Variants in NR2C2 observed in about 807,000 individuals in gnomAD.
NR2C2 encodes the protein nuclear receptor subfamily 2 group C member 2, also known as Nuclear hormone receptor TR4.
Under a neutral mutation model 62.9 loss-of-function variants are expected in NR2C2, and 6 were observed. The ratio of observed to expected loss-of-function variants is 0.10; its 90% confidence interval spans 0.05 to 0.19. The LOEUF (loss-of-function observed/expected upper bound fraction) is 0.19, where lower values mean the gene tolerates loss of function less well. Among genes scored for constraint, NR2C2 ranks in the 10% least tolerant of loss-of-function variants. The pLI is 1.00. For synonymous variants in NR2C2, 272 were observed against 273.8 expected, an observed-to-expected ratio of 0.99 and a Z score of 0.07; for missense variants, 479 against 762.7, an observed-to-expected ratio of 0.63 and a Z score of 4.38.
At chr3:14,976,953 G>C (rs1251931676) in intron 1 of NR2C2, among the ~76,000 whole-genome samples, 1 of 152,116 alleles carries the variant, frequency 6.6e-6, no homozygotes, top group South Asian at 2.1e-4. Context: ...ATGTCCTGTA[G>C]TATATATATT....
At chr3:14,978,059 TA>T (rs921423805) in intron 1 of NR2C2, among the ~76,000 whole-genome samples, 9 of 150,174 alleles carry the variant, frequency 6.0e-5, no homozygotes, top group East Asian at 5.8e-4. Context: ...ATAAAAATAT[TA>T]AAAAAAAAGA....
At chr3:14,982,497 AATTT>A (rs1030705967) in intron 1 of NR2C2, among the ~76,000 whole-genome samples, 8 of 152,124 alleles carry the variant, frequency 5.3e-5, no homozygotes, top group Non-Finnish European at 1.0e-4. Flanking sequence ...AAAATCTTTC[AATTT>A]ATTTAAGTTT....
At chr3:15,033,639 C>CTT (rs58524753) in intron 10 of NR2C2, among the ~76,000 whole-genome samples, 1,018 of 84,672 alleles carry the variant, frequency 0.012, 15 homozygotes, top group Non-Finnish European at 0.017. Flanking sequence ...TAACCTCAGG[C>CTT]TTTTTTTTTT....
At chr3:14,996,950 T>C (rs2040850938) in intron 1 of NR2C2, among the ~76,000 whole-genome samples, 2 of 152,208 alleles carry the variant, frequency 1.3e-5, no homozygotes. Flanking sequence ...TCCAATAATG[T>C]TGATGGCTTT....
chr3:15,038,904 C>A, intron 12 of NR2C2: 1 of 533,110 alleles, frequency 1.9e-6, no homozygotes, highest in Non-Finnish European at 3.4e-6. Context: ...AGACTGGGAT[C>A]CACTCAGGGT....
chr3:15,002,863 G>C (rs141796242), intron 1 of NR2C2, among the ~76,000 whole-genome samples: 1,641 of 150,856 alleles, frequency 0.011, 33 homozygotes, highest in African/African-American at 0.037. Context: ...TTACCATGTT[G>C]GTCAGGCTTG....
chr3:15,012,370 C>T (rs868014640), intron 2 of NR2C2, among the ~76,000 whole-genome samples: 4 of 152,036 alleles, frequency 2.6e-5, no homozygotes, highest in South Asian at 2.1e-4. Context: ...GGACTACAGG[C>T]GCCCATCACC....
rs1441541622 is a variant in NR2C2, at chr3:15,044,983, A to G, written c.*1975A>G. On this transcript the variant is annotated 3_prime_UTR_variant, in exon 14 of 14. Transcript: ENST00000425241. ...ATTTTGGAGAGTAGTGGGAGTGGCC[A>G]TTATAAAATGATGGAAAGGATTTAA... 1 of 152,368 alleles carries G rather than the reference A, an allele frequency of 6.6e-6. No individual in the cohort carries two copies. Among genetic ancestry groups the G allele is most frequent in the East Asian group, 1.9e-4 (1 of 5,194 alleles). The allele number at this position is 152,368 out of a possible 1,614,324, so 9.4% of individuals were successfully genotyped here.
At chr3:15,012,248 C>T (rs114570243) in intron 2 of NR2C2, among the ~76,000 whole-genome samples, 4,575 of 149,740 alleles carry the variant, frequency 0.031, 245 homozygotes, top group African/African-American at 0.1. Context: ...TTTTTGGAGA[C>T]GGAGTTTCCC....
intron 11 of NR2C2, among the ~76,000 whole-genome samples, chr3:15,036,519 GTC>G (rs1337491580): frequency 6.6e-6 from 1 of 152,108 alleles, no homozygotes; most frequent in African/African-American, 2.4e-5. Context: ...TTTTGATACA[GTC>G]TCTCTGTGTT....
At chr3:15,037,209 T>TTGTGTGTGTGTG (rs373045181) in intron 11 of NR2C2, among the ~76,000 whole-genome samples, 2 of 130,240 alleles carry the variant, frequency 1.5e-5, no homozygotes, top group African/African-American at 5.9e-5. Flanking sequence ...TGTTTTTTGT[T>TTGTGTGTGTGTG]TGTGTGTGTG....
intron 13 of NR2C2, 33 bp from the exon 14 acceptor site, chr3:15,042,801 A>G: frequency 4.4e-6 from 7 of 1,601,132 alleles, no homozygotes; most frequent in Middle Eastern, 1.7e-4. Context: ...GGCATCAAAC[A>G]GTCTCCTTTT....
chr3:15,034,490 CATTCATAGACTT>C, intron 10 of NR2C2, 168 bp from the exon 11 acceptor site: 1 of 516,776 alleles, frequency 1.9e-6, no homozygotes, highest in Non-Finnish European at 3.3e-6. Context: ...TTAGTTAAAA[CATTCATAGACTT>C]ATTCATAGAC....
rs377653319 is a variant in NR2C2 at position 15,030,270 on chromosome 3, C to T, written c.933-5C>T. On this transcript the variant is annotated splice_region_variant and splice_polypyrimidine_tract_variant and intron_variant, in intron 8 of 13. Transcript: ENST00000425241. ...AACAATTACATGCTTCATTTTTGCT[C>T]ACAGGGCATTTGATACCTTAGCTAA... The T allele has an allele frequency of 6.2e-7, 1 of 1,605,520 alleles. No individual in the cohort carries two copies. The highest frequency in any genetic ancestry group is 8.5e-7 in the Non-Finnish European group (1 of 1,177,328).
chr3:14,950,023 T>C (rs1170410122), intron 1 of NR2C2, among the ~76,000 whole-genome samples: 2 of 152,220 alleles, frequency 1.3e-5, no homozygotes, highest in Non-Finnish European at 2.9e-5. Context: ...CTTCCTGAAC[T>C]GAAGATTAGA....
At chr3:14,969,454 G>T (rs1358427079) in intron 1 of NR2C2, among the ~76,000 whole-genome samples, 1 of 152,056 alleles carries the variant, frequency 6.6e-6, no homozygotes, top group African/African-American at 2.4e-5. Flanking sequence ...TGTTGGCCAG[G>T]CTGGTCTCGA....
At chr3:15,000,374 T>C (rs896073661) in intron 1 of NR2C2, among the ~76,000 whole-genome samples, 8 of 152,218 alleles carry the variant, frequency 5.3e-5, no homozygotes, top group Non-Finnish European at 1.2e-4. Flanking sequence ...TGAATAGTAT[T>C]CCATTGTGTG....
chr3:15,002,645 CTTTT>C (rs371981775), intron 1 of NR2C2, among the ~76,000 whole-genome samples: 65 of 39,486 alleles, frequency 1.6e-3, no homozygotes, highest in East Asian at 7.2e-3. Flanking sequence ...TCACAATATA[CTTTT>C]TTTTTTTTTT....
chr3:14,957,625 A>G (rs991795304), intron 1 of NR2C2, among the ~76,000 whole-genome samples: 5 of 152,208 alleles, frequency 3.3e-5, no homozygotes, highest in Non-Finnish European at 7.3e-5. Context: ...GATGTTGCCC[A>G]GGCTGGATAT....
Sources: gnomAD v4.1 joint callset for allele counts (sites outside exome capture counted in the v4.1 genomes callset) on GRCh38, gnomAD v4.1.1 for gene constraint, MANE v1.5 for transcripts, NCBI Gene and HGNC (gene_info 2026-07-23, HGNC 2026-07-21) for gene names.